FMN2: variants seen among roughly 807,000 people sequenced by gnomAD.
The protein encoded by FMN2 is formin 2.
In FMN2, 51 loss-of-function variants were observed where a neutral mutation model predicts 142.3. That is an observed-to-expected ratio of 0.36 (90% CI 0.29 to 0.45). The LOEUF is 0.45. Ranked by LOEUF, FMN2 falls within the 20% of genes least tolerant of loss-of-function variation. The pLI, the probability that FMN2 is intolerant of heterozygous loss-of-function variation, is 1.00. For synonymous variants in FMN2, 882 were observed against 869.8 expected (o/e 1.01, Z -0.25); for missense variants, 1,936 against 2,122.8 (o/e 0.91, Z 1.73).
At position 240,207,101 on chromosome 1, in the gene FMN2, G is replaced by T. The variant is rs771994032; in HGVS notation, c.2289G>T (p.Leu763=). 3 of 1,614,072 alleles carry T rather than the reference G, an allele frequency of 1.9e-6. No homozygotes were observed. Among genetic ancestry groups the T allele is most frequent in the East Asian group, 2.2e-5 (1 of 44,870 alleles). The part of the protein sequence containing the change: ...GVLTLPPVDG[L]PGRPPCPPGA... ...TGACACTGCCTCCTGTGGATGGGCT[G>T]CCAGGGCGTCCTCCATGCCCCCCTG... The change falls in exon 5 of 18, where the codon CTG becomes CTT. Residue 763 remains leucine, a synonymous_variant. Coordinates refer to ENST00000319653, the MANE Select transcript of FMN2 (RefSeq NM_020066.5).
At chr1:240,170,202 A>G in intron 2 of FMN2, 1 of 1,240,836 alleles carries the variant, frequency 8.1e-7, no homozygotes, top group South Asian at 1.3e-5. Flanking sequence ...GCAAGGCTGC[A>G]GTTGCCTGGG....
intron 7 of FMN2, among the ~76,000 whole-genome samples, chr1:240,267,401 G>T (rs1031636874): frequency 6.6e-6 from 1 of 151,908 alleles, no homozygotes; most frequent in East Asian, 1.9e-4. Flanking sequence ...ACCAAATACC[G>T]CATGTTCTCA....
At chr1:240,228,355 G>GA (rs1413105950) in intron 6 of FMN2, among the ~76,000 whole-genome samples, 5 of 37,078 alleles carry the variant, frequency 1.3e-4, no homozygotes, top group South Asian at 7.6e-4. Context: ...GAAAAAGAAA[G>GA]AAAAAAAATG....
At chr1:240,403,775 T>G (rs1281773561) in intron 15 of FMN2, among the ~76,000 whole-genome samples, 1 of 152,226 alleles carries the variant, frequency 6.6e-6, no homozygotes, top group Admixed American at 6.5e-5. Context: ...GACATTATTA[T>G]GTGATAAAGA....
At chr1:240,348,524 A>ATTT (rs35008419) in intron 13 of FMN2, among the ~76,000 whole-genome samples, 1 of 144,074 alleles carries the variant, frequency 6.9e-6, no homozygotes, top group East Asian at 2.0e-4. Context: ...CGCCCAGCCT[A>ATTT]TTTTTTTTTT....
intron 6 of FMN2, among the ~76,000 whole-genome samples, chr1:240,251,765 C>T (rs1261831449): frequency 6.6e-6 from 1 of 152,170 alleles, no homozygotes; most frequent in Non-Finnish European, 1.5e-5. Flanking sequence ...TGGGTACAAT[C>T]ATCCTCTTGC....
rs755962040 is a variant in FMN2, at chr1:240,211,222, C to T, written c.4052C>T (p.Thr1351Met). Residue 1351 changes from threonine to methionine, a missense_variant, in exon 6 of 18, where the codon ACG becomes ATG. Physicochemically the swap from Thr to Met is moderately conservative, Grantham distance 81. This residue lies in a region of FMN2 where 259 missense variants were observed against 230.9 expected (regional missense o/e 1.12). Transcript: ENST00000319653. ...KKPISDTISKTKAKQVVKLLS... is the reference protein window; with the variant it reads ...KKPISDTISKMKAKQVVKLLS... ...CCTATCTCTGATACTATCTCAAAGA[C>T]GAAGGCTAAACAAGTGAGTATTTTT... 9.9e-6 allele frequency: 16 copies of T among 1,611,490 alleles called. No homozygotes were observed. The highest frequency in any genetic ancestry group is 3.3e-5 in the South Asian group (3 of 90,416).
chr1:240,271,547 T>G (rs1005887658), intron 7 of FMN2, among the ~76,000 whole-genome samples: 1 of 152,136 alleles, frequency 6.6e-6, no homozygotes, highest in South Asian at 2.1e-4. Flanking sequence ...AAGACCTGTT[T>G]ATTATATTTA....
At chr1:240,159,919 A>C (rs568379101) in intron 2 of FMN2, among the ~76,000 whole-genome samples, 21 of 128,836 alleles carry the variant, frequency 1.6e-4, no homozygotes, top group African/African-American at 5.5e-4. Flanking sequence ...ATATATATAT[A>C]TATATATATA....
chr1:240,154,451 C>T (rs576749163), intron 2 of FMN2, among the ~76,000 whole-genome samples: 102 of 152,234 alleles, frequency 6.7e-4, no homozygotes, highest in Non-Finnish European at 1.3e-3. Context: ...CTCAGAGATA[C>T]GGTTGGCTGT....
intron 2 of FMN2, among the ~76,000 whole-genome samples, chr1:240,129,838 T>C (rs1052142352): frequency 1.3e-5 from 2 of 152,174 alleles, no homozygotes; most frequent in African/African-American, 4.8e-5. Context: ...CTGGCGGTCA[T>C]GCATGAGGAT....
At chr1:240,099,879 C>T (rs1049393420) in intron 1 of FMN2, among the ~76,000 whole-genome samples, 2 of 152,066 alleles carry the variant, frequency 1.3e-5, no homozygotes, top group African/African-American at 4.8e-5. Flanking sequence ...TCCTCCTTGC[C>T]TGTTCACCCG....
intron 4 of FMN2, among the ~76,000 whole-genome samples, chr1:240,193,370 C>A (rs764667552): frequency 6.6e-6 from 1 of 152,160 alleles, no homozygotes; most frequent in Non-Finnish European, 1.5e-5. Context: ...ATACCTCTTT[C>A]ACGTACATGA....
At chr1:240,414,934 C>T (rs1051699608) in intron 15 of FMN2, among the ~76,000 whole-genome samples, 2 of 152,138 alleles carry the variant, frequency 1.3e-5, no homozygotes, top group Non-Finnish European at 2.9e-5. Flanking sequence ...TCTAGGATAA[C>T]TTTATACATC....
chr1:240,176,088 G>T (rs1046892683), intron 2 of FMN2, among the ~76,000 whole-genome samples: 1 of 152,008 alleles, frequency 6.6e-6, no homozygotes, highest in Admixed American at 6.6e-5. Flanking sequence ...AAAAATTTTT[G>T]TTCCTTGTGC....
At chr1:240,180,172 A>T (rs1282014080) in intron 3 of FMN2, 1 of 1,284,676 alleles carries the variant, frequency 7.8e-7, no homozygotes, top group Non-Finnish European at 1.0e-6. Flanking sequence ...CTTGAAGAGG[A>T]TGATGGAGGT....
chr1:240,336,734 C>T (rs892566819), intron 13 of FMN2, among the ~76,000 whole-genome samples: 23 of 151,906 alleles, frequency 1.5e-4, no homozygotes, highest in Non-Finnish European at 2.8e-4. Flanking sequence ...GAGGAACTTA[C>T]AGGGAAGGTT....
chr1:240,394,785 C>T (rs991282095), intron 15 of FMN2, among the ~76,000 whole-genome samples: 5 of 151,916 alleles, frequency 3.3e-5, no homozygotes, highest in Admixed American at 3.3e-4. Context: ...CTGGCCAACA[C>T]GGTGAAACCC....
Position 240,474,307 on chromosome 1 carries a change from T to C in FMN2, c.*153T>C. The stretch of plus-strand genomic sequence containing the variant: ...GTTTTCTAGACAGTTCACTAATTGT[T>C]GAATTTTACTGTATATTCATATAAA... On this transcript the variant is annotated 3_prime_UTR_variant, in exon 18 of 18. Transcript: ENST00000319653. 3.1e-6 allele frequency: 2 copies of C among 642,552 alleles called. No homozygotes were observed. The highest frequency in any genetic ancestry group is 5.0e-6 in the Non-Finnish European group (2 of 396,080). 39.8% of individuals were successfully genotyped at this position (642,552 alleles called of 1,614,324 possible).
Sources: gnomAD v4.1 joint callset for allele counts (sites outside exome capture counted in the v4.1 genomes callset) on GRCh38, gnomAD v4.1.1 for gene constraint, gnomAD v4.1.1 regional missense constraint, MANE v1.5 for transcripts, NCBI Gene and HGNC (gene_info 2026-07-23, HGNC 2026-07-21) for gene names.